The following LRTM1 variants were observed in gnomAD, a reference collection of about 807,000 sequenced individuals.
LRTM1 encodes the protein leucine-rich repeat and transmembrane domain-containing protein 1.
A neutral mutation model predicts 32.4 loss-of-function variants in LRTM1; 38 were observed. The observed-to-expected ratio is 1.17, with a 90% CI of 0.91 to 1.54. The LOEUF is 1.54. Among genes scored for constraint, LRTM1 ranks in the 40% most tolerant of loss-of-function variants. The pLI, the probability that LRTM1 is intolerant of heterozygous loss-of-function variation, is 0.00. For synonymous variants in LRTM1, 186 were observed against 169.9 expected, an observed-to-expected ratio of 1.09 and a Z score of -0.74; for missense variants, 466 against 415.4, an observed-to-expected ratio of 1.12 and a Z score of -1.06.
chr3:54,922,469 A>G (rs1700881242), intron 2 of LRTM1, among the ~76,000 whole-genome samples: 1 of 152,102 alleles, frequency 6.6e-6, no homozygotes, highest in African/African-American at 2.4e-5. Flanking sequence ...AACCTCTTAT[A>G]AGGAAGATGT....
Position 54,928,059 on chromosome 3 carries a change from C to A in LRTM1, c.-148G>T. The A allele has an allele frequency of 1.4e-6, 1 of 717,154 alleles. No homozygotes were observed. The highest frequency in any genetic ancestry group is 2.4e-6 in the Non-Finnish European group (1 of 410,984). The allele number at this position is 717,154 out of a possible 1,614,324, so 44.4% of individuals were successfully genotyped here. ...CCTTGCTTTTCTTCAATGCAGAAAACAGTTGTTGCTTTCAAAAGACCATTT... is the reference window on the plus strand; with the variant it reads ...CCTTGCTTTTCTTCAATGCAGAAAAAAGTTGTTGCTTTCAAAAGACCATTT... On this transcript the variant is annotated 5_prime_UTR_variant, in exon 1 of 3. Coordinates refer to ENST00000273286, the MANE Select transcript of LRTM1 (RefSeq NM_020678.4).
chr3:54,944,837 G>A (rs1701573444), intron 1 of LRTM1, among the ~76,000 whole-genome samples: 1 of 151,822 alleles, frequency 6.6e-6, no homozygotes, highest in Middle Eastern at 3.4e-3. Context: ...GTGTGTGTGT[G>A]TGTGTTTGCT....
At chr3:54,958,597 CT>C (rs2107039056) in intron 1 of LRTM1, among the ~76,000 whole-genome samples, 1 of 152,286 alleles carries the variant, frequency 6.6e-6, no homozygotes, top group South Asian at 2.1e-4. Flanking sequence ...TAGTTATTAT[CT>C]TTCTGAGCAC....
chr3:54,965,244 G>A (rs200290599), intron 1 of LRTM1, among the ~76,000 whole-genome samples: 2 of 151,580 alleles, frequency 1.3e-5, no homozygotes, highest in Admixed American at 6.6e-5. Flanking sequence ...TCTGGCCTAC[G>A]TACTCTTGAA....
Position 54,953,604 on chromosome 3 carries a change from C to T in LRTM1, c.-222+13324G>A, listed in dbSNP as rs189733558. ...ACTTCTTGCAATACTTGGACATCCA[C>T]GATCCTTTCTATTTTAAAGACTTCT... is the stretch of plus-strand genomic sequence containing the variant. On this transcript the variant is annotated intron_variant, in intron 1 of 2. Transcript: ENST00000493075. Among the ~76,000 whole-genome samples the T allele has an allele frequency of 7.2e-5, 11 of 152,328 alleles. No individual in the cohort carries two copies. The East Asian group carries it at 1.2e-3, about 16-fold the overall frequency.
chr3:54,925,150 A>T lies in LRTM1; in HGVS notation c.73T>A (p.Cys25Ser), dbSNP rs1424026601. Residue 25 changes from cysteine to serine, a missense_variant, in exon 2 of 3, where the codon TGT (cysteine) becomes AGT (serine). Physicochemically the swap from Cys to Ser is moderately radical, Grantham distance 112. Coordinates refer to ENST00000273286, the MANE Select transcript of LRTM1 (RefSeq NM_020678.4). ...LQVVCSCPDK[C>S]YCQSSTNFVD... ...AAATTTGTAGATGACTGACAGTAACACTTGTCCGGGCAGCTGCATACCACC... is the reference window on the plus strand; with the variant it reads ...AAATTTGTAGATGACTGACAGTAACTCTTGTCCGGGCAGCTGCATACCACC... 9 of 1,613,954 alleles carry T rather than the reference A, an allele frequency of 5.6e-6. No individual in the cohort carries two copies. Among genetic ancestry groups the T allele is most frequent in the Non-Finnish European group, 7.6e-6 (9 of 1,180,022 alleles).
At chr3:54,930,195 C>G (rs1701149088), upstream of LRTM1, among the ~76,000 whole-genome samples, 1 of 152,102 alleles carries the variant, frequency 6.6e-6, no homozygotes, top group African/African-American at 2.4e-5. Context: ...TCTGGTTATC[C>G]CATCCTCTGG....
chr3:54,956,681 A>G (rs1701903473), intron 1 of LRTM1, among the ~76,000 whole-genome samples: 1 of 152,156 alleles, frequency 6.6e-6, no homozygotes, highest in South Asian at 2.1e-4. Flanking sequence ...ATTTGTTCTC[A>G]GAGTAATCTT....
intron 1 of LRTM1, among the ~76,000 whole-genome samples, chr3:54,956,737 G>C (rs1309366281): frequency 6.6e-6 from 1 of 152,132 alleles, no homozygotes; most frequent in East Asian, 1.9e-4. Flanking sequence ...TCATTACCTA[G>C]GGGAAGACAG....
At chr3:54,957,215 A>G (rs1701920844) in intron 1 of LRTM1, among the ~76,000 whole-genome samples, 1 of 151,472 alleles carries the variant, frequency 6.6e-6, no homozygotes, top group Non-Finnish European at 1.5e-5. Context: ...GCTGGAGTTC[A>G]GTGGCACAAT....
intron 1 of LRTM1, among the ~76,000 whole-genome samples, chr3:54,943,602 C>T (rs1701533456): frequency 6.6e-6 from 1 of 151,970 alleles, no homozygotes; most frequent in African/African-American, 2.4e-5. Context: ...TAGAAAATCC[C>T]CTGGTCTTCT....
At chr3:54,940,404 G>A (rs944103998) in intron 1 of LRTM1, among the ~76,000 whole-genome samples, 2 of 152,060 alleles carry the variant, frequency 1.3e-5, no homozygotes, top group African/African-American at 4.8e-5. Context: ...TTACTGCCTC[G>A]GTGCCTAATG....
At chr3:54,949,970 C>T (rs1701715921) in intron 1 of LRTM1, among the ~76,000 whole-genome samples, 1 of 152,206 alleles carries the variant, frequency 6.6e-6, no homozygotes, top group African/African-American at 2.4e-5. Flanking sequence ...ATCAGGCATG[C>T]AGAGTCTCTA....
chr3:54,921,913 T>C (rs1187647361), intron 2 of LRTM1, among the ~76,000 whole-genome samples: 4 of 148,928 alleles, frequency 2.7e-5, no homozygotes, highest in African/African-American at 9.7e-5. Context: ...TTTATATATC[T>C]TTTTTTAAAA....
chr3:54,929,916 A>G (rs1462597352), upstream of LRTM1, among the ~76,000 whole-genome samples: 1 of 152,188 alleles, frequency 6.6e-6, no homozygotes, highest in Non-Finnish European at 1.5e-5. Flanking sequence ...ACTCCTTCTA[A>G]GAACTAGAAA....
intron 1 of LRTM1, among the ~76,000 whole-genome samples, chr3:54,945,577 C>A (rs1344806760): frequency 6.6e-6 from 1 of 152,164 alleles, no homozygotes; most frequent in Non-Finnish European, 1.5e-5. Context: ...AGCACCATAA[C>A]CTGGGGCAAG....
chr3:54,928,295 T>C (rs546225576), upstream of LRTM1, among the ~76,000 whole-genome samples: 4 of 152,276 alleles, frequency 2.6e-5, no homozygotes, highest in East Asian at 7.8e-4. Context: ...CCTCGGCCTT[T>C]TTGATTATTT....
chr3:54,965,709 A>T (rs1198405166), intron 1 of LRTM1, among the ~76,000 whole-genome samples: 2 of 152,200 alleles, frequency 1.3e-5, no homozygotes, highest in African/African-American at 4.8e-5. Context: ...AACCCCAGAT[A>T]TGCCACAGGA....
intron 1 of LRTM1, among the ~76,000 whole-genome samples, chr3:54,966,271 C>T: frequency 6.6e-6 from 1 of 152,114 alleles, no homozygotes; most frequent in East Asian, 1.9e-4. Flanking sequence ...GGGAGTCAGA[C>T]CCTGTTTTGC....
Sources: allele counts gnomAD v4.1 joint callset (sites outside exome capture counted in the v4.1 genomes callset), GRCh38; gene constraint gnomAD v4.1.1; transcripts MANE v1.5; gene names NCBI Gene and HGNC (gene_info 2026-07-23, HGNC 2026-07-21).